Variants in SDK1 observed in about 807,000 individuals in gnomAD.
SDK1 encodes sidekick cell adhesion molecule 1.
Under a neutral mutation model 245.5 loss-of-function variants are expected in SDK1, and 157 were observed. That is an observed-to-expected ratio of 0.64 (90% CI 0.56 to 0.73). SDK1 has a LOEUF of 0.73. Among genes scored for constraint, SDK1 ranks in the 30% least tolerant of loss-of-function variants. SDK1 has a pLI of 0.00. For missense variants in SDK1, 3,583 were observed against 3,002.3 expected (o/e 1.19, Z -4.52); for synonymous variants, 1,647 against 1,278.5 (o/e 1.29, Z -6.15).
chr7:3,680,445 A>G lies in SDK1; in HGVS notation c.713+38340A>G, dbSNP rs925975692. Among the ~76,000 whole-genome samples, 29 of 152,194 alleles carry G rather than the reference A, an allele frequency of 1.9e-4. 1 individual carries two copies. The highest frequency in any genetic ancestry group is 5.9e-5 in the Non-Finnish European group (4 of 68,040). ...ACGTGATAAAACTGCATAAAACTAT[A>G]TGATTGTGCACACACAAATGAGTAC... On this transcript the variant is annotated intron_variant, in intron 4 of 44. Coordinates refer to ENST00000404826, the MANE Select transcript of SDK1 (RefSeq NM_152744.4).
At chr7:3,568,303 T>C (rs536502430) in intron 1 of SDK1, among the ~76,000 whole-genome samples, 1 of 152,306 alleles carries the variant, frequency 6.6e-6, no homozygotes, top group East Asian at 1.9e-4. Flanking sequence ...TGATATACTC[T>C]AATGTCCCAG....
At chr7:4,245,386 T>A (rs1300810681) in intron 43 of SDK1, among the ~76,000 whole-genome samples, 2 of 152,026 alleles carry the variant, frequency 1.3e-5, no homozygotes, top group East Asian at 3.9e-4. Flanking sequence ...GACCTCAGGG[T>A]GCTGTTTGTA....
intron 4 of SDK1, among the ~76,000 whole-genome samples, chr7:3,779,089 G>T (rs1350508760): frequency 6.6e-5 from 10 of 152,052 alleles, no homozygotes; most frequent in Non-Finnish European, 1.3e-4. Context: ...TTTATCATTT[G>T]GCTAAGAATT....
At chr7:3,975,692 C>A (rs1167174078) in intron 13 of SDK1, among the ~76,000 whole-genome samples, 1 of 152,274 alleles carries the variant, frequency 6.6e-6, no homozygotes, top group Admixed American at 6.5e-5. Context: ...CGATGTGTAG[C>A]AGTCAGTCCG....
intron 7 of SDK1, among the ~76,000 whole-genome samples, chr7:3,954,042 G>A (rs920306565): frequency 3.3e-5 from 5 of 152,154 alleles, no homozygotes; most frequent in Non-Finnish European, 7.4e-5. Flanking sequence ...ACAGGCCAAA[G>A]ACAGAGAAAC....
intron 32 of SDK1, 140 bp downstream of exon 32, chr7:4,161,996 G>C (rs1441001269): frequency 7.5e-6 from 5 of 668,036 alleles, no homozygotes; most frequent in Non-Finnish European, 1.3e-5. Flanking sequence ...CACACCCTCA[G>C]ACTCAAAAAC....
chr7:3,806,913 G>A (rs1410558598), intron 4 of SDK1, among the ~76,000 whole-genome samples: 8 of 152,018 alleles, frequency 5.3e-5, no homozygotes, highest in Non-Finnish European at 1.2e-4. Flanking sequence ...TTTGCTTCCT[G>A]CCTGTATCTT....
At chr7:3,787,702 A>G (rs1780948885) in intron 4 of SDK1, among the ~76,000 whole-genome samples, 1 of 152,110 alleles carries the variant, frequency 6.6e-6, no homozygotes, top group South Asian at 2.1e-4. Context: ...CCAGGTCATC[A>G]GAAAACAGTT....
intron 4 of SDK1, among the ~76,000 whole-genome samples, chr7:3,714,006 C>T (rs181324330): frequency 1.3e-3 from 196 of 152,324 alleles, no homozygotes; most frequent in African/African-American, 4.6e-3. Context: ...AGCCCACAAA[C>T]ATCGAAATAT....
At position 3,969,561 on chromosome 7, in the gene SDK1, T is replaced by C. The variant is rs891961482; in HGVS notation, c.1714+137T>C. The C allele has an allele frequency of 8.6e-6, 5 of 580,222 alleles. No homozygotes were observed. The East Asian group carries it at 1.0e-4, about 12-fold the overall frequency. 35.9% of individuals were successfully genotyped at this position (580,222 alleles called of 1,614,324 possible). ...GAGAATGATTATTTTTACAACTAAT[T>C]TATAGAAATCTGTTGAGAAATTAAA... On this transcript the variant is annotated intron_variant, in intron 11 of 44. Transcript: ENST00000404826.
intron 4 of SDK1, among the ~76,000 whole-genome samples, chr7:3,752,386 A>T (rs1158690255): frequency 6.6e-6 from 1 of 152,066 alleles, no homozygotes; most frequent in Non-Finnish European, 1.5e-5. Flanking sequence ...TCTGCAAGTG[A>T]GCTTAATACT....
At chr7:3,890,128 G>GCAGA (rs1781425691) in intron 5 of SDK1, among the ~76,000 whole-genome samples, 1 of 152,202 alleles carries the variant, frequency 6.6e-6, no homozygotes, top group Admixed American at 6.5e-5. Context: ...TCAGAGTCCT[G>GCAGA]CAGACAGTTG....
intron 1 of SDK1, among the ~76,000 whole-genome samples, chr7:3,512,459 T>C (rs760199464): frequency 5.9e-5 from 9 of 152,238 alleles, no homozygotes; most frequent in Non-Finnish European, 1.2e-4. Context: ...GAAATAAGTT[T>C]TCCATTTCTT....
intron 36 of SDK1, among the ~76,000 whole-genome samples, chr7:4,206,472 C>T (rs1784233374): frequency 6.6e-6 from 1 of 152,220 alleles, no homozygotes; most frequent in Non-Finnish European, 1.5e-5. Flanking sequence ...CCGCCAGTCT[C>T]ATTCCTCACA....
At chr7:4,065,601 C>T (rs1779824708) in intron 19 of SDK1, among the ~76,000 whole-genome samples, 1 of 150,344 alleles carries the variant, frequency 6.7e-6, no homozygotes, top group Non-Finnish European at 1.5e-5. Flanking sequence ...TTCTATTTTA[C>T]CATCTTCCAC....
chr7:3,588,317 C>A (rs2128634805), intron 1 of SDK1, among the ~76,000 whole-genome samples: 1 of 152,188 alleles, frequency 6.6e-6, no homozygotes, highest in African/African-American at 2.4e-5. Flanking sequence ...TTTTAGTCTG[C>A]AGATATTTAT....
chr7:3,956,865 G>T (rs573651640), intron 7 of SDK1, among the ~76,000 whole-genome samples: 11 of 152,186 alleles, frequency 7.2e-5, no homozygotes, highest in Non-Finnish European at 1.6e-4. Context: ...TCACTGTGTG[G>T]AGTGCCCGTC....
In SDK1 at chr7:4,002,751, G is replaced by C. The variant is rs1000045926; in HGVS notation, c.2132-8215G>C. Among the ~76,000 whole-genome samples, 4 of 152,188 alleles carry C rather than the reference G, an allele frequency of 2.6e-5. No homozygotes were observed. The East Asian group carries it at 7.7e-4, about 29-fold the overall frequency. ...CTTTAAGGTGGAAAAAAATCTGGTT[G>C]GGAGATGGATATCTGGTTCTCAGGG... On this transcript the variant is annotated intron_variant, in intron 14 of 44. Coordinates refer to ENST00000404826, the MANE Select transcript of SDK1 (RefSeq NM_152744.4).
chr7:3,989,435 C>T (rs138750122), intron 14 of SDK1, among the ~76,000 whole-genome samples: 1,610 of 152,296 alleles, frequency 0.011, 21 homozygotes, highest in Admixed American at 0.026. Flanking sequence ...GGTGGGGACA[C>T]AGGTGACCCA....
Sources: gnomAD v4.1 joint callset for allele counts (sites outside exome capture counted in the v4.1 genomes callset) on GRCh38, gnomAD v4.1.1 for gene constraint, MANE v1.5 for transcripts, NCBI Gene and HGNC (gene_info 2026-07-23, HGNC 2026-07-21) for gene names.